Variants in TADA2A observed in about 807,000 individuals in gnomAD.
TADA2A encodes the protein transcriptional adapter 2-alpha.
Under a neutral mutation model 67.4 loss-of-function variants are expected in TADA2A, and 38 were observed. The observed-to-expected ratio is 0.56, with a 90% CI of 0.44 to 0.74. The LOEUF is 0.74. Ranked by LOEUF, TADA2A falls within the 30% of genes least tolerant of loss-of-function variation. The pLI is 0.00. For synonymous variants in TADA2A, 192 were observed against 181.6 expected (o/e 1.06, Z -0.46); for missense variants, 454 against 547.0 (o/e 0.83, Z 1.70).
chr17:37,417,398 A>C (rs1179340113), intron 2 of TADA2A, among the ~76,000 whole-genome samples: 3 of 151,810 alleles, frequency 2.0e-5, no homozygotes, highest in Admixed American at 1.3e-4. Context: ...TTAGCTGGGC[A>C]TGGTGGCATG....
chr17:37,422,479 C>CTGATGATGATGATGA (rs1355232116), intron 2 of TADA2A, among the ~76,000 whole-genome samples: 6 of 76,758 alleles, frequency 7.8e-5, no homozygotes, highest in African/African-American at 2.9e-4. Flanking sequence ...CCATGCCCAG[C>CTGATGATGATGATGA]TGATTATTAT....
chr17:37,423,729 C>A (rs941109241), intron 3 of TADA2A, 114 bp downstream of exon 3: 2 of 744,954 alleles, frequency 2.7e-6, no homozygotes, highest in Non-Finnish European at 4.1e-6. Context: ...TAAATCTATT[C>A]CTTCCAATTT....
intron 4 of TADA2A, among the ~76,000 whole-genome samples, chr17:37,428,734 ATGCCTGG>A (rs2052480833): frequency 6.6e-6 from 1 of 151,380 alleles, no homozygotes; most frequent in South Asian, 2.1e-4. Flanking sequence ...ACAAGCCACC[ATGCCTGG>A]CTAATTTAAA....
chr17:37,423,153 C>G (rs1031004293), intron 2 of TADA2A, among the ~76,000 whole-genome samples: 4 of 152,132 alleles, frequency 2.6e-5, no homozygotes, highest in African/African-American at 9.7e-5. Context: ...ATTGCTTAAG[C>G]CCAGGAGTTT....
chr17:37,417,118 G>A (rs367876058), intron 2 of TADA2A, among the ~76,000 whole-genome samples: 26 of 151,966 alleles, frequency 1.7e-4, no homozygotes, highest in African/African-American at 5.3e-4. Context: ...AATGGCTCAC[G>A]ACTGTAATCC....
Position 37,467,469 on chromosome 17 carries a change from G to A in TADA2A, c.839G>A (p.Arg280Gln), listed in dbSNP as rs746746027. Reference sequence around the variant, plus strand: ...GGGAAAACAGTGGAATTTGAACTCCGAAGGGAAATCAAGAGGCTCCAAGAA... The same window carrying A: ...GGGAAAACAGTGGAATTTGAACTCCAAAGGGAAATCAAGAGGCTCCAAGAA... The part of the protein sequence containing the change: ...IESHALEFEL[R>Q]REIKRLQEYR... Residue 280 changes from arginine (R) to glutamine (Q), a missense_variant, in exon 12 of 16, where the codon CGA becomes CAA. By Grantham distance (43) the Arg-to-Gln change is conservative (BLOSUM62 1). Coordinates refer to ENST00000615182, the MANE Select transcript of TADA2A (RefSeq NM_001166105.3). 9 of 1,613,712 alleles carry A rather than the reference G, an allele frequency of 5.6e-6. No individual in the cohort carries two copies. Among genetic ancestry groups the A allele is most frequent in the Admixed American group, 5.0e-5 (3 of 59,930 alleles).
chr17:37,419,856 A>C (rs943132928), intron 2 of TADA2A, among the ~76,000 whole-genome samples: 5 of 145,336 alleles, frequency 3.4e-5, no homozygotes, highest in African/African-American at 1.0e-4. Flanking sequence ...TCTACTAAAA[A>C]TATAAAAAAT....
At chr17:37,438,846 G>T (rs575914711) in intron 5 of TADA2A, among the ~76,000 whole-genome samples, 2 of 152,166 alleles carry the variant, frequency 1.3e-5, no homozygotes, top group Admixed American at 1.3e-4. Flanking sequence ...TCTTAACAAA[G>T]AACATAAAAA....
chr17:37,420,775 A>G (rs1017431311), intron 2 of TADA2A, among the ~76,000 whole-genome samples: 2 of 146,720 alleles, frequency 1.4e-5, no homozygotes, highest in Non-Finnish European at 3.0e-5. Flanking sequence ...CATTTCTTGG[A>G]CTTTAGGGAG....
intron 2 of TADA2A, among the ~76,000 whole-genome samples, chr17:37,419,547 G>T (rs1268516599): frequency 1.4e-5 from 2 of 146,550 alleles, no homozygotes; most frequent in African/African-American, 4.9e-5. Flanking sequence ...GGGAGGCTAC[G>T]CCAGGTAGAT....
At chr17:37,446,043 T>G (rs2053067994) in intron 8 of TADA2A, among the ~76,000 whole-genome samples, 2 of 151,726 alleles carry the variant, frequency 1.3e-5, no homozygotes, top group Admixed American at 1.3e-4. Context: ...TTCCTAAAAA[T>G]TTTACCTTAA....
At chr17:37,442,515 C>A in intron 6 of TADA2A, 49 bp from the exon 7 acceptor site, 1 of 1,397,376 alleles carries the variant, frequency 7.2e-7, no homozygotes, top group Non-Finnish European at 1.0e-6. Flanking sequence ...TCATTTTTTT[C>A]ATGCCAATAT....
intron 8 of TADA2A, among the ~76,000 whole-genome samples, chr17:37,447,187 ACT>A (rs1261466592): frequency 1.3e-5 from 2 of 152,062 alleles, no homozygotes; most frequent in Admixed American, 6.6e-5. Flanking sequence ...TTTGTGACAG[ACT>A]CTCACCTTGT....
intron 5 of TADA2A, among the ~76,000 whole-genome samples, chr17:37,439,337 CA>C (rs1290949638): frequency 6.6e-6 from 1 of 151,994 alleles, no homozygotes; most frequent in African/African-American, 2.4e-5. Flanking sequence ...GGGTGGAGTA[CA>C]GGGGCATGAG....
At chr17:37,441,027 G>A (rs374030033) in intron 6 of TADA2A, among the ~76,000 whole-genome samples, 11 of 151,804 alleles carry the variant, frequency 7.2e-5, no homozygotes, top group African/African-American at 2.4e-4. Context: ...CCGGGTAGGC[G>A]GAGATTGCAG....
chr17:37,459,433 C>T (rs1055921081), intron 9 of TADA2A, among the ~76,000 whole-genome samples: 8 of 151,844 alleles, frequency 5.3e-5, no homozygotes, highest in Admixed American at 3.9e-4. Context: ...TAGGTGTGCA[C>T]CACCACGCCT....
chr17:37,469,425 A>G (rs1029026480), intron 12 of TADA2A, among the ~76,000 whole-genome samples: 1 of 151,746 alleles, frequency 6.6e-6, no homozygotes, highest in Admixed American at 6.6e-5. Flanking sequence ...CTTGAGGTCC[A>G]GAGTTCAAGA....
intron 13 of TADA2A, 104 bp downstream of exon 13, chr17:37,470,636 G>A: frequency 1.6e-6 from 2 of 1,245,574 alleles, no homozygotes; most frequent in Admixed American, 2.8e-5. Context: ...TAATTGAGTA[G>A]CTGGAAGAAT....
Position 37,415,606 on chromosome 17 carries a change from G to A in TADA2A, c.25+4216G>A, listed in dbSNP as rs1430303266. ...ATACGTAAGAGTGCCCCGGCTGGGC[G>A]CGGTGGCTCAGGCATGTAATCCCAG... On this transcript the variant is annotated intron_variant, in intron 2 of 15. Coordinates refer to ENST00000615182, the MANE Select transcript of TADA2A (RefSeq NM_001166105.3). 4.6e-5 allele frequency among the ~76,000 whole-genome samples: 7 copies of A among 150,982 alleles called. No individual in the cohort carries two copies. In the South Asian group the frequency reaches 6.2e-4, roughly 13 times the overall value.
Sources: allele counts gnomAD v4.1 joint callset (sites outside exome capture counted in the v4.1 genomes callset), GRCh38; gene constraint gnomAD v4.1.1; transcripts MANE v1.5; gene names NCBI Gene and HGNC (gene_info 2026-07-23, HGNC 2026-07-21).